The following ITFG1 variants were observed in gnomAD, a reference collection of about 807,000 sequenced individuals.
ITFG1 encodes the protein T-cell immunomodulatory protein.
In ITFG1, 34 loss-of-function variants were observed where a neutral mutation model predicts 81.8. The ratio of observed to expected loss-of-function variants is 0.42; its 90% CI spans 0.32 to 0.55. ITFG1 has a LOEUF of 0.55. ITFG1 is among the 20% of genes least tolerant of loss of function. ITFG1 has a pLI of 0.17. For missense variants in ITFG1, 672 were observed against 755.4 expected (o/e 0.89, Z 1.29); for synonymous variants, 285 against 270.6 (o/e 1.05, Z -0.52).
chr16:47,221,708 A>T (rs1248428050), intron 13 of ITFG1, among the ~76,000 whole-genome samples: 2 of 152,138 alleles, frequency 1.3e-5, no homozygotes, highest in African/African-American at 4.8e-5. Flanking sequence ...GAATCCCATC[A>T]GGTCCTGGAC....
intron 10 of ITFG1, among the ~76,000 whole-genome samples, chr16:47,292,526 C>T (rs183758574): frequency 6.6e-6 from 1 of 152,218 alleles, no homozygotes; most frequent in Non-Finnish European, 1.5e-5. Context: ...CTTTTATTTA[C>T]TCATGAATAC....
At chr16:47,257,672 TA>T (rs1567437715) in intron 12 of ITFG1, among the ~76,000 whole-genome samples, 8 of 152,180 alleles carry the variant, frequency 5.3e-5, no homozygotes, top group Admixed American at 3.9e-4. Flanking sequence ...CAAATGTAAA[TA>T]GATGTAAAAA....
At chr16:47,240,513 T>C (rs1279074333) in intron 12 of ITFG1, among the ~76,000 whole-genome samples, 1 of 152,096 alleles carries the variant, frequency 6.6e-6, no homozygotes, top group Non-Finnish European at 1.5e-5. Flanking sequence ...AAAGAAGATA[T>C]ACAGATGGCC....
At chr16:47,333,498 T>C (rs1362231761) in intron 8 of ITFG1, among the ~76,000 whole-genome samples, 3 of 152,226 alleles carry the variant, frequency 2.0e-5, no homozygotes, top group Non-Finnish European at 2.9e-5. Flanking sequence ...TAAATATGAC[T>C]TTTTACCTTA....
intron 7 of ITFG1, among the ~76,000 whole-genome samples, chr16:47,367,829 G>GT (rs1350994481): frequency 6.6e-6 from 1 of 152,034 alleles, no homozygotes; most frequent in Non-Finnish European, 1.5e-5. Flanking sequence ...TTTAGTAAGT[G>GT]TATTAAGCCT....
intron 8 of ITFG1, among the ~76,000 whole-genome samples, chr16:47,336,736 G>C (rs1234747219): frequency 1.3e-5 from 2 of 152,166 alleles, no homozygotes. Context: ...GGCCGAGGAG[G>C]CGGGTCACCT....
chr16:47,378,374 C>A (rs538077298), intron 6 of ITFG1, among the ~76,000 whole-genome samples: 1 of 152,174 alleles, frequency 6.6e-6, no homozygotes, highest in Non-Finnish European at 1.5e-5. Context: ...GACTCTGTGA[C>A]CACATATGGT....
At position 47,341,256 on chromosome 16, in the gene ITFG1, A is replaced by T. The variant is rs925299460; in HGVS notation, c.802+24532T>A. On this transcript the variant is annotated intron_variant, in intron 8 of 17. Transcript: ENST00000320640. ...AAACAAAGCAAGACCCCATCTGTAAAAAATAAATAAATAAATAAATAAATA... is the reference window on the plus strand; with the variant it reads ...AAACAAAGCAAGACCCCATCTGTAATAAATAAATAAATAAATAAATAAATA... Among the ~76,000 whole-genome samples the T allele has an allele frequency of 7.4e-4, 112 of 150,798 alleles. 1 individual carries two copies. Among genetic ancestry groups the T allele is most frequent in the South Asian group, 2.1e-4 (1 of 4,796 alleles).
At chr16:47,252,220 A>T (rs1966085056) in intron 12 of ITFG1, among the ~76,000 whole-genome samples, 1 of 152,212 alleles carries the variant, frequency 6.6e-6, no homozygotes, top group African/African-American at 2.4e-5. Context: ...TGAATTATTA[A>T]GAAAGGATTT....
chr16:47,325,217 AG>A (rs1967516237), intron 8 of ITFG1, among the ~76,000 whole-genome samples: 2 of 151,934 alleles, frequency 1.3e-5, no homozygotes. Context: ...ACTGCTCCTG[AG>A]TGACCACTGG....
At chr16:47,202,588 A>G (rs892584652) in intron 14 of ITFG1, among the ~76,000 whole-genome samples, 1 of 116,394 alleles carries the variant, frequency 8.6e-6, no homozygotes, top group Non-Finnish European at 2.1e-5. Context: ...GGTGTAACTT[A>G]AAAAAAAAAA....
At chr16:47,254,308 T>A (rs1471190796) in intron 12 of ITFG1, among the ~76,000 whole-genome samples, 1 of 152,120 alleles carries the variant, frequency 6.6e-6, no homozygotes, top group African/African-American at 2.4e-5. Context: ...CGTGGATAAT[T>A]TCTAAATGAT....
At position 47,387,937 on chromosome 16, in the gene ITFG1, T is replaced by TA. The variant is rs373555650; in HGVS notation, c.656-11998dup. ...TTTAAAGCAGCCACTACAAATATGT[T>TA]AAAAAAAAAAAAGGAAATTATGCTT... is the stretch of plus-strand genomic sequence containing the variant. On this transcript the variant is annotated intron_variant, in intron 6 of 17. Coordinates refer to ENST00000320640, the MANE Select transcript of ITFG1 (RefSeq NM_030790.5). Among the ~76,000 whole-genome samples the TA allele has an allele frequency of 3.0e-3, 419 of 141,850 alleles. 1 individual carries two copies. Among genetic ancestry groups the TA allele is most frequent in the Middle Eastern group, 0.011 (3 of 280 alleles). 93.1% of individuals were successfully genotyped at this position (141,850 alleles called of 152,430 possible).
intron 8 of ITFG1, among the ~76,000 whole-genome samples, chr16:47,337,234 T>C (rs1357120848): frequency 6.6e-6 from 1 of 151,904 alleles, no homozygotes; most frequent in East Asian, 1.9e-4. Flanking sequence ...TTGTGGAAAT[T>C]TTGACTCCAA....
intron 10 of ITFG1, among the ~76,000 whole-genome samples, chr16:47,304,310 G>A (rs1203866462): frequency 2.0e-5 from 3 of 152,082 alleles, no homozygotes; most frequent in African/African-American, 4.8e-5. Flanking sequence ...TCTTCAGAAG[G>A]AATTTTCAGG....
intron 14 of ITFG1, among the ~76,000 whole-genome samples, chr16:47,204,997 C>T (rs1207923174): frequency 6.6e-6 from 1 of 152,214 alleles, no homozygotes; most frequent in Non-Finnish European, 1.5e-5. Flanking sequence ...CCTCTCCTGC[C>T]TCTCCAAATC....
In ITFG1 at chr16:47,323,524, A is replaced by G. The variant is rs1452185625; in HGVS notation, c.803-9701T>C. On this transcript the variant is annotated intron_variant, in intron 8 of 17. Transcript: ENST00000320640. Reference sequence around the variant, plus strand: ...GACTTTGGACTTCTCAGATTACATAACTGTAAGAAATAAATTTCTTTTCTT... The same window carrying G: ...GACTTTGGACTTCTCAGATTACATAGCTGTAAGAAATAAATTTCTTTTCTT... Among the ~76,000 whole-genome samples, 5 of 152,148 alleles carry G rather than the reference A, an allele frequency of 3.3e-5. No individual in the cohort carries two copies. The East Asian group carries it at 9.6e-4, about 29-fold the overall frequency.
At position 47,162,526 on chromosome 16, in the gene ITFG1, G is replaced by C. The variant is rs1296198367; in HGVS notation, c.1578+14C>G. 2 of 1,583,646 alleles carry C rather than the reference G, an allele frequency of 1.3e-6. No homozygotes were observed. Among genetic ancestry groups the C allele is most frequent in the South Asian group, 1.2e-5 (1 of 85,476 alleles). The stretch of plus-strand genomic sequence containing the variant: ...AACATAGATTAATTGTAAACAAAAT[G>C]AATTTTTACTCACTTTTTCTCCAGA... On this transcript the variant is annotated intron_variant, in intron 15 of 17. Coordinates refer to ENST00000320640, the MANE Select transcript of ITFG1 (RefSeq NM_030790.5).
intron 14 of ITFG1, among the ~76,000 whole-genome samples, chr16:47,199,764 A>G (rs1309529698): frequency 6.6e-6 from 1 of 152,190 alleles, no homozygotes; most frequent in Non-Finnish European, 1.5e-5. Context: ...TGTAATATAT[A>G]ATGAAATAAT....
Sources: allele counts gnomAD v4.1 joint callset (sites outside exome capture counted in the v4.1 genomes callset), GRCh38; gene constraint gnomAD v4.1.1; transcripts MANE v1.5; gene names NCBI Gene and HGNC (gene_info 2026-07-23, HGNC 2026-07-21).